SPATA17: variants seen among roughly 807,000 people sequenced by gnomAD.
SPATA17 encodes spermatogenesis-associated protein 17.
SPATA17 carries 53 observed loss-of-function variants against 62.2 expected under a neutral mutation model. That is an observed-to-expected ratio of 0.85 (90% CI 0.68 to 1.07). The LOEUF (loss-of-function observed/expected upper bound fraction) is 1.07. SPATA17 is among the 50% of genes least tolerant of loss of function. The pLI is 0.00. For missense variants in SPATA17, 466 were observed against 425.5 expected, an observed-to-expected ratio of 1.10 and a Z score of -0.84; for synonymous variants, 146 against 146.8, an observed-to-expected ratio of 0.99 and a Z score of 0.04.
chr1:217,696,203 T>G (rs562681665), intron 5 of SPATA17, among the ~76,000 whole-genome samples: 1 of 152,244 alleles, frequency 6.6e-6, no homozygotes, highest in South Asian at 2.1e-4. Context: ...TGGTGCACCG[T>G]TTTTTAAGCT....
chr1:217,770,978 A>AATTTTTTT (rs1553251071), intron 6 of SPATA17, among the ~76,000 whole-genome samples: 3,476 of 50,200 alleles, frequency 0.069, 736 homozygotes, highest in Non-Finnish European at 0.091. Context: ...AACTCATTGC[A>AATTTTTTT]TTTTTTTTTT....
At chr1:217,714,503 G>A (rs1407532299) in intron 5 of SPATA17, among the ~76,000 whole-genome samples, 1 of 76,456 alleles carries the variant, frequency 1.3e-5, no homozygotes, top group African/African-American at 6.3e-5. Context: ...TTTTTTTTTT[G>A]AGACAGAGTC....
intron 3 of SPATA17, among the ~76,000 whole-genome samples, chr1:217,659,481 TA>T: frequency 6.6e-6 from 1 of 152,122 alleles, no homozygotes; most frequent in Non-Finnish European, 1.5e-5. Flanking sequence ...ATTTTTTACT[TA>T]AAAATAGTTT....
At chr1:217,838,768 A>T (rs1430222011) in intron 9 of SPATA17, among the ~76,000 whole-genome samples, 1 of 152,226 alleles carries the variant, frequency 6.6e-6, no homozygotes, top group East Asian at 1.9e-4. Context: ...GAGAGATAAG[A>T]TTATAGTTCT....
chr1:217,802,076 A>G (rs1674327174), intron 9 of SPATA17, among the ~76,000 whole-genome samples: 1 of 151,796 alleles, frequency 6.6e-6, no homozygotes, highest in African/African-American at 2.4e-5. Flanking sequence ...CTGCCCTAGG[A>G]TCAAAGGCAT....
At chr1:217,721,406 C>T (rs1157135854) in intron 5 of SPATA17, among the ~76,000 whole-genome samples, 1 of 152,040 alleles carries the variant, frequency 6.6e-6, no homozygotes, top group Non-Finnish European at 1.5e-5. Context: ...CATTCTTGTC[C>T]CTAGGAGTTC....
chr1:217,777,677 C>T (rs969474284), intron 7 of SPATA17, among the ~76,000 whole-genome samples: 1 of 152,178 alleles, frequency 6.6e-6, no homozygotes, highest in Admixed American at 6.5e-5. Context: ...GCTGGGATTA[C>T]AGGAATAAGC....
intron 8 of SPATA17, among the ~76,000 whole-genome samples, chr1:217,787,349 T>C (rs1673895589): frequency 6.6e-6 from 1 of 152,102 alleles, no homozygotes; most frequent in Non-Finnish European, 1.5e-5. Context: ...TAGGATAAAG[T>C]TTAATTTCTT....
At position 217,774,319 on chromosome 1, in the gene SPATA17, TTTC is replaced by T. The variant is rs1399146545; in HGVS notation, c.520-6_520-4del. The T allele has an allele frequency of 1.3e-6, 2 of 1,598,494 alleles. No homozygotes were observed. The highest frequency in any genetic ancestry group is 1.7e-6 in the Non-Finnish European group (2 of 1,173,452). ...AAATTAAAGAAAAAATCAAAATTGC[TTTC>T]TTCTTCTTTAGATTCCAGGAATATA... On this transcript the variant is annotated splice_polypyrimidine_tract_variant and intron_variant, in intron 6 of 10. Coordinates refer to ENST00000366933, the MANE Select transcript of SPATA17 (RefSeq NM_138796.4).
chr1:217,860,419 T>C (rs2103015897), intron 9 of SPATA17, among the ~76,000 whole-genome samples: 1 of 152,264 alleles, frequency 6.6e-6, no homozygotes, highest in Admixed American at 6.5e-5. Context: ...ATATACAGTT[T>C]TATGGTAGTA....
At position 217,862,845 on chromosome 1, in the gene SPATA17, G is replaced by A; in HGVS notation, c.1077G>A (p.Gln359=). The change falls in exon 10 of 11, where the codon CAG becomes CAA. Residue 359 remains glutamine, a synonymous_variant. Coordinates refer to ENST00000366933, the MANE Select transcript of SPATA17 (RefSeq NM_138796.4). ...KYGKLYSKAG[Q]IV Reference sequence around the variant, plus strand: ...GAAAATTATATTCAAAAGCTGGACAGATTGTATAAAGGTATGACTTTTTGC... The same window carrying A: ...GAAAATTATATTCAAAAGCTGGACAAATTGTATAAAGGTATGACTTTTTGC... The A allele has an allele frequency of 1.2e-6, 2 of 1,605,564 alleles. No individual in the cohort carries two copies. Among genetic ancestry groups the A allele is most frequent in the South Asian group, 1.1e-5 (1 of 89,984 alleles).
At chr1:217,834,456 T>G (rs906810702) in intron 9 of SPATA17, among the ~76,000 whole-genome samples, 1 of 152,072 alleles carries the variant, frequency 6.6e-6, no homozygotes, top group African/African-American at 2.4e-5. Flanking sequence ...TGGGACAAGC[T>G]ATGGAGGTGG....
intron 5 of SPATA17, among the ~76,000 whole-genome samples, chr1:217,702,036 A>G (rs1359721399): frequency 4.0e-5 from 6 of 151,010 alleles, no homozygotes; most frequent in African/African-American, 1.5e-4. Flanking sequence ...TTTGGTGTAT[A>G]TATATATATA....
chr1:217,789,503 G>A (rs534492253), intron 8 of SPATA17, among the ~76,000 whole-genome samples: 10 of 152,276 alleles, frequency 6.6e-5, no homozygotes, highest in Admixed American at 5.2e-4. Flanking sequence ...AAGATTCAAG[G>A]AAGCTCATGC....
chr1:217,817,690 C>A (rs535259720), intron 9 of SPATA17, among the ~76,000 whole-genome samples: 252 of 152,144 alleles, frequency 1.7e-3, no homozygotes, highest in Non-Finnish European at 3.1e-3. Flanking sequence ...GCATAATTTA[C>A]CTTACGTGGT....
intron 3 of SPATA17, among the ~76,000 whole-genome samples, chr1:217,668,261 G>C (rs1670747509): frequency 1.3e-5 from 2 of 152,102 alleles, no homozygotes. Context: ...TTAATTAAAA[G>C]AGCAGATGGG....
intron 5 of SPATA17, among the ~76,000 whole-genome samples, chr1:217,740,990 G>A (rs1672614421): frequency 2.0e-5 from 3 of 152,110 alleles, no homozygotes; most frequent in African/African-American, 7.2e-5. Context: ...ACAGAAAATT[G>A]CAACAAAAAT....
chr1:217,719,877 G>A (rs888746976), intron 5 of SPATA17, among the ~76,000 whole-genome samples: 1 of 152,142 alleles, frequency 6.6e-6, no homozygotes, highest in African/African-American at 2.4e-5. Flanking sequence ...TCTCTGAGAC[G>A]TCATGGGCGA....
At chr1:217,855,985 A>G (rs1675778018) in intron 9 of SPATA17, among the ~76,000 whole-genome samples, 1 of 151,958 alleles carries the variant, frequency 6.6e-6, no homozygotes, top group East Asian at 1.9e-4. Flanking sequence ...TGAACCCCCC[A>G]AAGTGCTGGG....
Sources: allele counts gnomAD v4.1 joint callset (sites outside exome capture counted in the v4.1 genomes callset), GRCh38; gene constraint gnomAD v4.1.1; transcripts MANE v1.5; gene names NCBI Gene and HGNC (gene_info 2026-07-23, HGNC 2026-07-21).